Variants in PTMS observed in about 807,000 individuals in gnomAD.
PTMS encodes the protein parathymosin.
Under a neutral mutation model 18.4 loss-of-function variants are expected in PTMS, and 5 were observed. The observed-to-expected ratio is 0.27, with a 90% CI of 0.14 to 0.57. PTMS has a LOEUF of 0.57. Ranked by LOEUF, PTMS falls within the 20% of genes least tolerant of loss-of-function variation. The pLI, the probability that PTMS is intolerant of heterozygous loss-of-function variation, is 0.92. For missense variants in PTMS, 93 were observed against 124.6 expected (o/e 0.75, Z 1.21); for synonymous variants, 53 against 47.7 (o/e 1.11, Z -0.46).
At chr12:6,769,014 G>C (rs1336208001) in intron 1 of PTMS, 5 of 159,302 alleles carry the variant, frequency 3.1e-5, no homozygotes, top group African/African-American at 1.2e-4. Flanking sequence ...GGGGAGGGCA[G>C]AAAGTGGGAG....
rs577369708 is a variant in PTMS, at chr12:6,770,711, C to T, written c.*269C>T. On this transcript the variant is annotated 3_prime_UTR_variant, in exon 5 of 5. Coordinates refer to ENST00000309083, the MANE Select transcript of PTMS (RefSeq NM_002824.6). The surrounding 1 kb of genome is among the most constrained non-coding windows in gnomAD (Gnocchi z 7.3). ...GCTCCTCTCTCTCTTTGCTCTCTTT[C>T]TCCCTCCCCTACCAGCCTCATTCTT... 2 of 556,886 alleles carry T rather than the reference C, an allele frequency of 3.6e-6. No individual in the cohort carries two copies. The highest frequency in any genetic ancestry group is 2.0e-5 in the South Asian group (1 of 48,802). The allele number at this position is 556,886 out of a possible 1,614,324, so 34.5% of individuals were successfully genotyped here. A position where few individuals can be genotyped will look rare whatever the true frequency, so the allele number is the denominator to read the frequency against.
Position 6,770,794 on chromosome 12 carries a change from T to G in PTMS, c.*352T>G. 6.1e-6 allele frequency: 2 copies of G among 328,968 alleles called. No individual in the cohort carries two copies. The highest frequency in any genetic ancestry group is 9.6e-4 in the Middle Eastern group (1 of 1,044). 20.4% of individuals were successfully genotyped at this position (328,968 alleles called of 1,614,324 possible). ...TCCCCCAGCCTCATGTCCTGCCCCA[T>G]CCCTATCCTGCCTGATCCCTGGATC... On this transcript the variant is annotated 3_prime_UTR_variant, in exon 5 of 5. Transcript: ENST00000309083. The surrounding 1 kb of genome is among the most constrained non-coding windows in gnomAD (Gnocchi z 7.3).
At chr12:6,767,072 C>G (rs960253777) in intron 1 of PTMS, 1 of 155,634 alleles carries the variant, frequency 6.4e-6, no homozygotes, top group Non-Finnish European at 1.4e-5. Context: ...CCGAACGCCC[C>G]GAGTCTCACT....
intron 1 of PTMS, 147 bp from the exon 2 acceptor site, chr12:6,769,456 T>C (rs1941809902): frequency 1.2e-6 from 1 of 862,304 alleles, no homozygotes; most frequent in Non-Finnish European, 2.0e-6. Context: ...GTAAGGACCC[T>C]AGGGCCCCTA....
Position 6,770,726 on chromosome 12 carries a change from G to C in PTMS, c.*284G>C. 1 of 525,520 alleles carries C rather than the reference G, an allele frequency of 1.9e-6. No individual in the cohort carries two copies. Among genetic ancestry groups the C allele is most frequent in the Non-Finnish European group, 3.5e-6 (1 of 289,772 alleles). 32.6% of individuals were successfully genotyped at this position (525,520 alleles called of 1,614,324 possible). On this transcript the variant is annotated 3_prime_UTR_variant, in exon 5 of 5. Transcript: ENST00000309083. The surrounding 1 kb of genome is among the most constrained non-coding windows in gnomAD (Gnocchi z 7.3). ...TGCTCTCTTTCTCCCTCCCCTACCA[G>C]CCTCATTCTTCCTCCGGTAGCCTCT...
intron 2 of PTMS, 114 bp from the exon 3 acceptor site, chr12:6,769,807 C>T: frequency 6.2e-7 from 1 of 1,604,552 alleles, no homozygotes; most frequent in Non-Finnish European, 8.5e-7. Flanking sequence ...CTTGCTGCCC[C>T]ACCCTGTGGC....
intron 1 of PTMS, among the ~76,000 whole-genome samples, chr12:6,768,822 C>T (rs1941802736): frequency 6.6e-6 from 1 of 152,134 alleles, no homozygotes; most frequent in Admixed American, 6.5e-5. Flanking sequence ...CCATTCCTAT[C>T]CCACCCCAGT....
chr12:6,768,520 G>A (rs574475812), intron 1 of PTMS, among the ~76,000 whole-genome samples: 1 of 152,164 alleles, frequency 6.6e-6, no homozygotes, highest in South Asian at 2.1e-4. Context: ...GGACCCCCCC[G>A]CCCAGGGTGA....
At position 6,770,273 on chromosome 12, in the gene PTMS, C is replaced by T. The variant is rs898390626; in HGVS notation, c.258+55C>T. On this transcript the variant is annotated intron_variant, in intron 4 of 4. Coordinates refer to ENST00000309083, the MANE Select transcript of PTMS (RefSeq NM_002824.6). The surrounding 1 kb of genome is among the most constrained non-coding windows in gnomAD (Gnocchi z 7.3). ...CTGTCAGGGATGCAGCCGGGCTGGG[C>T]GCCCTTTGGATTTGGACCCAGATCC... 36 of 1,611,296 alleles carry T rather than the reference C, an allele frequency of 2.2e-5. No individual in the cohort carries two copies. The highest frequency in any genetic ancestry group is 2.8e-5 in the Non-Finnish European group (33 of 1,177,668).
rs1313454591 is a variant in PTMS at position 6,770,612 on chromosome 12, G to C, written c.*170G>C. The C allele has an allele frequency of 5.4e-6, 4 of 738,510 alleles. No individual in the cohort carries two copies. The highest frequency in any genetic ancestry group is 4.5e-6 in the Non-Finnish European group (2 of 443,602). The allele number at this position is 738,510 out of a possible 1,614,324, so 45.7% of individuals were successfully genotyped here. On this transcript the variant is annotated 3_prime_UTR_variant, in exon 5 of 5. Coordinates refer to ENST00000309083, the MANE Select transcript of PTMS (RefSeq NM_002824.6). This position sits in a 1 kb window ranked among gnomAD's most constrained non-coding sequence, Gnocchi z 7.3. ...TCATTTCCGCCTCTCCAGACACTGC[G>C]CCCTCCACCCTCACTCTGCCATTGT...
chr12:6,770,283 A>T lies in PTMS; in HGVS notation c.258+65A>T. 6.2e-7 allele frequency: 1 copy of T among 1,610,690 alleles called. No individual in the cohort carries two copies. On this transcript the variant is annotated intron_variant, in intron 4 of 4. Coordinates refer to ENST00000309083, the MANE Select transcript of PTMS (RefSeq NM_002824.6). The surrounding 1 kb of genome is among the most constrained non-coding windows in gnomAD (Gnocchi z 7.3). ...TGCAGCCGGGCTGGGCGCCCTTTGG[A>T]TTTGGACCCAGATCCCTGTGTGGCA...
chr12:6,769,195 C>T (rs1183915943), intron 1 of PTMS: 4 of 247,090 alleles, frequency 1.6e-5, no homozygotes, highest in African/African-American at 7.2e-5. Flanking sequence ...AAAGGCAGAG[C>T]TGGGCGGGCA....
intron 1 of PTMS, chr12:6,769,189 G>A (rs1193002027): frequency 4.0e-6 from 1 of 247,132 alleles, no homozygotes; most frequent in Non-Finnish European, 7.9e-6. Flanking sequence ...TAGACAAAAG[G>A]CAGAGCTGGG....
intron 1 of PTMS, among the ~76,000 whole-genome samples, chr12:6,767,709 T>C (rs1249223534): frequency 6.7e-6 from 1 of 148,288 alleles, no homozygotes; most frequent in Non-Finnish European, 1.5e-5. Context: ...AGAGGGGCTG[T>C]GTGCGATCTG....
chr12:6,770,689 CCT>C lies in PTMS; in HGVS notation c.*256_*257del, dbSNP rs1592493625. On this transcript the variant is annotated 3_prime_UTR_variant, in exon 5 of 5. Coordinates refer to ENST00000309083, the MANE Select transcript of PTMS (RefSeq NM_002824.6). This position sits in a 1 kb window ranked among gnomAD's most constrained non-coding sequence, Gnocchi z 7.3. ...GCTCTCCAGCTGGCCCCCAATTGCT[CCT>C]CTCTCTCTTTGCTCTCTTTCTCCCT... The C allele has an allele frequency of 2.2e-5, 13 of 585,138 alleles. 1 individual carries two copies. The highest frequency in any genetic ancestry group is 1.6e-4 in the South Asian group (8 of 49,714). The allele number at this position is 585,138 out of a possible 1,614,324, so 36.2% of individuals were successfully genotyped here. A position where few individuals can be genotyped will look rare whatever the true frequency, so the allele number is the denominator to read the frequency against.
chr12:6,770,102 G>T lies in PTMS; in HGVS notation c.197-55G>T. On this transcript the variant is annotated intron_variant, in intron 3 of 4. Coordinates refer to ENST00000309083, the MANE Select transcript of PTMS (RefSeq NM_002824.6). The surrounding 1 kb of genome is among the most constrained non-coding windows in gnomAD (Gnocchi z 7.3). ...TGAAGCAGGGCTGAGGGCGACCACGGGGGCTCTGCCAGAGCTTCCTGCCCT... is the reference window on the plus strand; with the variant it reads ...TGAAGCAGGGCTGAGGGCGACCACGTGGGCTCTGCCAGAGCTTCCTGCCCT... The T allele has an allele frequency of 6.2e-7, 1 of 1,612,440 alleles. No homozygotes were observed.
At chr12:6,767,583 T>G in intron 1 of PTMS, 1 of 73,808 alleles carries the variant, frequency 1.4e-5, no homozygotes, top group Non-Finnish European at 2.5e-5. Context: ...CTATCTTGTG[T>G]GTGTATGTGT....
chr12:6,769,464 C>T (rs999346260), intron 1 of PTMS, 139 bp from the exon 2 acceptor site: 4 of 919,810 alleles, frequency 4.3e-6, no homozygotes, highest in Non-Finnish European at 7.1e-6. Context: ...CCTAGGGCCC[C>T]TATTCTGTCT....
rs1350673964 is a variant in PTMS, at chr12:6,766,840, G to C, written c.45+90G>C. 7 of 891,162 alleles carry C rather than the reference G, an allele frequency of 7.9e-6. No individual in the cohort carries two copies. In the African/African-American group the frequency reaches 9.1e-5, roughly 12 times the overall value. 55.2% of individuals were successfully genotyped at this position (891,162 alleles called of 1,614,324 possible). On this transcript the variant is annotated intron_variant, in intron 1 of 4. Coordinates refer to ENST00000309083, the MANE Select transcript of PTMS (RefSeq NM_002824.6). ...CCCAGGCCGCCCCCGACGGCCCCGC[G>C]CGGCCCTTGCGCCCGGGTCCTGGCG... is the stretch of plus-strand genomic sequence containing the variant.
Sources: allele counts gnomAD v4.1 joint callset (sites outside exome capture counted in the v4.1 genomes callset), GRCh38; gene constraint gnomAD v4.1.1; non-coding constraint Gnocchi (gnomAD v3.1); transcripts MANE v1.5; gene names NCBI Gene and HGNC (gene_info 2026-07-23, HGNC 2026-07-21).